Variants in DOCK2 observed in about 807,000 individuals in gnomAD.
DOCK2 encodes the protein dedicator of cytokinesis protein 2.
Under a neutral mutation model 248.9 loss-of-function variants are expected in DOCK2, and 87 were observed. The ratio of observed to expected loss-of-function variants is 0.35; its 90% CI spans 0.29 to 0.42. The LOEUF (loss-of-function observed/expected upper bound fraction) is 0.42. Ranked by LOEUF, DOCK2 falls within the 10% of genes least tolerant of loss-of-function variation. The pLI is 1.00. For missense variants in DOCK2, 1,747 were observed against 2,300.2 expected, an observed-to-expected ratio of 0.76 and a Z score of 4.92; for synonymous variants, 805 against 821.6, an observed-to-expected ratio of 0.98 and a Z score of 0.35.
chr5:170,020,300 T>G (rs1755677404), intron 33 of DOCK2, among the ~76,000 whole-genome samples: 1 of 152,224 alleles, frequency 6.6e-6, no homozygotes, highest in African/African-American at 2.4e-5. Context: ...AAACTCTTAC[T>G]GATCCTGCGA....
Position 170,078,154 on chromosome 5 carries a change from G to A in DOCK2, c.4994+317G>A, listed in dbSNP as rs576410362. Among the ~76,000 whole-genome samples the A allele has an allele frequency of 1.3e-3, 198 of 152,242 alleles. 2 individuals are homozygous for A. Among genetic ancestry groups the A allele is most frequent in the African/African-American group, 4.4e-3 (182 of 41,526 alleles). On this transcript the variant is annotated intron_variant, in intron 48 of 51. Transcript: ENST00000520908. Reference sequence around the variant, plus strand: ...CTCCTCACCAAGCCTGCATCCTTCTGGAATATTGTCACCTCTCATAGGGAT... The same window carrying A: ...CTCCTCACCAAGCCTGCATCCTTCTAGAATATTGTCACCTCTCATAGGGAT...
Position 169,718,808 on chromosome 5 carries a change from T to C in DOCK2, c.2267+17T>C. 1 of 1,606,218 alleles carries C rather than the reference T, an allele frequency of 6.2e-7. No homozygotes were observed. Among genetic ancestry groups the C allele is most frequent in the Non-Finnish European group, 8.5e-7 (1 of 1,173,720 alleles). On this transcript the variant is annotated intron_variant, in intron 22 of 51. Transcript: ENST00000520908. ...ATTTTCACAGTGAGTACTTGTTATG[T>C]AAGAGTGATTGATTAGCTCTGCAAT...
intron 7 of DOCK2, among the ~76,000 whole-genome samples, chr5:169,683,993 G>A (rs1759815364): frequency 6.6e-6 from 1 of 152,158 alleles, no homozygotes; most frequent in Non-Finnish European, 1.5e-5. Context: ...CTGGGTCAAT[G>A]GTGACATTTC....
chr5:170,032,315 C>T (rs549351451), intron 34 of DOCK2, among the ~76,000 whole-genome samples: 13 of 152,216 alleles, frequency 8.5e-5, no homozygotes, highest in East Asian at 3.9e-4. Flanking sequence ...TGTGAGCCAC[C>T]GCGCCTGGCC....
At chr5:169,956,788 A>G (rs1368473799) in intron 27 of DOCK2, among the ~76,000 whole-genome samples, 1 of 152,166 alleles carries the variant, frequency 6.6e-6, no homozygotes, top group Non-Finnish European at 1.5e-5. Flanking sequence ...TTCAAATGTA[A>G]TCTTTCTCAG....
At chr5:169,643,002 A>G (rs1757232618) in intron 1 of DOCK2, among the ~76,000 whole-genome samples, 2 of 151,982 alleles carry the variant, frequency 1.3e-5, no homozygotes, top group Non-Finnish European at 2.9e-5. Context: ...TCTGCAGCAT[A>G]TGTTCTGCAA....
At chr5:169,794,246 T>A (rs1766519086) in intron 25 of DOCK2, among the ~76,000 whole-genome samples, 1 of 152,144 alleles carries the variant, frequency 6.6e-6, no homozygotes, top group Non-Finnish European at 1.5e-5. Context: ...AAAAGTTACC[T>A]TTTGTGAGGC....
chr5:169,957,283 C>G (rs1776908392), intron 27 of DOCK2, among the ~76,000 whole-genome samples: 1 of 152,198 alleles, frequency 6.6e-6, no homozygotes, highest in African/African-American at 2.4e-5. Flanking sequence ...CTGCTCTGAG[C>G]CCCAGTTTCT....
intron 27 of DOCK2, among the ~76,000 whole-genome samples, chr5:169,913,708 G>A (rs1454359817): frequency 9.9e-6 from 1 of 100,554 alleles, no homozygotes. Context: ...GTCTTACCAC[G>A]CCCTCTGCCT....
At chr5:169,985,348 C>CAT (rs1374577455) in intron 28 of DOCK2, among the ~76,000 whole-genome samples, 1 of 136,760 alleles carries the variant, frequency 7.3e-6, no homozygotes, top group Non-Finnish European at 1.6e-5. Context: ...CTAATCTGCT[C>CAT]GTGTGTGTGT....
At chr5:169,666,931 G>A (rs1410298461) in intron 2 of DOCK2, among the ~76,000 whole-genome samples, 1 of 152,224 alleles carries the variant, frequency 6.6e-6, no homozygotes, top group African/African-American at 2.4e-5. Context: ...GAACCTGGGA[G>A]CCAGAATAAG....
chr5:169,841,456 A>G (rs1769969365), intron 27 of DOCK2: 1 of 985,504 alleles, frequency 1.0e-6, no homozygotes, highest in Admixed American at 6.1e-5. Flanking sequence ...AAGGACCCAA[A>G]ATTCAAATGC....
intron 27 of DOCK2, among the ~76,000 whole-genome samples, chr5:169,905,422 T>C (rs1467503674): frequency 6.6e-6 from 1 of 152,100 alleles, no homozygotes; most frequent in Non-Finnish European, 1.5e-5. Context: ...CAGCTGCCCC[T>C]TGGCAACCTC....
chr5:169,943,832 A>C (rs143148193), intron 27 of DOCK2, among the ~76,000 whole-genome samples: 83 of 152,326 alleles, frequency 5.4e-4, no homozygotes, highest in African/African-American at 1.6e-3. Flanking sequence ...TCTGACGCTC[A>C]TTAAGTTTGA....
intron 33 of DOCK2, among the ~76,000 whole-genome samples, chr5:170,023,205 T>G (rs544977112): frequency 6.6e-6 from 1 of 152,176 alleles, no homozygotes; most frequent in Middle Eastern, 3.4e-3. Flanking sequence ...CCAGAGAGAA[T>G]TCTTCTCTCA....
intron 22 of DOCK2, among the ~76,000 whole-genome samples, chr5:169,729,706 T>C (rs1762666495): frequency 1.3e-5 from 2 of 152,158 alleles, no homozygotes; most frequent in South Asian, 4.1e-4. Context: ...CCAAGTTGTT[T>C]CAAATGGTAA....
intron 27 of DOCK2, among the ~76,000 whole-genome samples, chr5:169,860,022 G>T (rs1167465435): frequency 7.2e-6 from 1 of 138,240 alleles, no homozygotes; most frequent in Admixed American, 7.7e-5. Context: ...CTAGGTTGGA[G>T]TGCAGTGGCA....
At chr5:169,683,943 C>A (rs12521310) in intron 7 of DOCK2, among the ~76,000 whole-genome samples, 91,462 of 152,078 alleles carry the variant, frequency 0.6, 27,804 homozygotes, top group South Asian at 0.71. Flanking sequence ...TTTTTCTTTT[C>A]TAGTTTGTGC....
At chr5:169,968,879 G>C (rs1777397408) in intron 27 of DOCK2, among the ~76,000 whole-genome samples, 1 of 152,168 alleles carries the variant, frequency 6.6e-6, no homozygotes, top group South Asian at 2.1e-4. Context: ...GCACTTGTGT[G>C]AGTCTTTAAA....
Sources: gnomAD v4.1 joint callset for allele counts (sites outside exome capture counted in the v4.1 genomes callset) on GRCh38, gnomAD v4.1.1 for gene constraint, MANE v1.5 for transcripts, NCBI Gene and HGNC (gene_info 2026-07-23, HGNC 2026-07-21) for gene names.